Variants in TMEM132D observed in about 807,000 individuals in gnomAD.
TMEM132D encodes the protein transmembrane protein 132D, also known as mature OL transmembrane protein.
Under a neutral mutation model 62.3 loss-of-function variants are expected in TMEM132D, and 21 were observed. That is an observed-to-expected ratio of 0.34 (90% CI 0.24 to 0.49). The LOEUF (loss-of-function observed/expected upper bound fraction) is 0.49. Among genes scored for constraint, TMEM132D ranks in the 20% least tolerant of loss-of-function variants. The probability of loss-of-function intolerance (pLI) is 0.99; values close to 1 mark genes in which losing one functional copy is unlikely to be tolerated. For missense variants in TMEM132D, 1,346 were observed against 1,402.8 expected, an observed-to-expected ratio of 0.96 and a Z score of 0.65; for synonymous variants, 621 against 575.6, an observed-to-expected ratio of 1.08 and a Z score of -1.13.
At chr12:129,373,768 T>C (rs61945691) in intron 3 of TMEM132D, among the ~76,000 whole-genome samples, 5,873 of 152,304 alleles carry the variant, frequency 0.039, 490 homozygotes, top group East Asian at 0.35. Flanking sequence ...TTAGGCTAAG[T>C]CTGGAGAGAA....
chr12:129,721,570 C>A (rs867043636), intron 1 of TMEM132D, among the ~76,000 whole-genome samples: 14 of 152,234 alleles, frequency 9.2e-5, no homozygotes, highest in Middle Eastern at 6.8e-3. Context: ...AGGTGAGCAG[C>A]CCGTCCTCAC....
At chr12:129,724,015 G>T (rs1868937286) in intron 1 of TMEM132D, among the ~76,000 whole-genome samples, 1 of 152,214 alleles carries the variant, frequency 6.6e-6, no homozygotes, top group African/African-American at 2.4e-5. Flanking sequence ...AGATTACTCT[G>T]TATTATCTGG....
chr12:129,373,008 T>C (rs61219771), intron 3 of TMEM132D, among the ~76,000 whole-genome samples: 1,829 of 152,114 alleles, frequency 0.012, 31 homozygotes, highest in African/African-American at 0.042. Flanking sequence ...ACAAAGGTCA[T>C]AGGAAAAAAC....
In TMEM132D at chr12:129,587,344, A is replaced by G. The variant is rs191302951; in HGVS notation, c.969-56139T>C. On this transcript the variant is annotated intron_variant, in intron 2 of 8. Transcript: ENST00000422113. ...TTATAAGTAGAAGCTAAATGATGAG[A>G]AAACATGGGCACGTAGAGGGTAAGG... Among the ~76,000 whole-genome samples the G allele has an allele frequency of 7.9e-5, 12 of 152,336 alleles. No individual in the cohort carries two copies. The East Asian group carries it at 2.1e-3, about 27-fold the overall frequency.
chr12:129,394,405 C>A (rs945148967), intron 3 of TMEM132D, among the ~76,000 whole-genome samples: 59 of 152,316 alleles, frequency 3.9e-4, no homozygotes, highest in African/African-American at 1.4e-3. Flanking sequence ...TTGGTCAATA[C>A]AATTATTGAG....
At chr12:129,743,728 G>C (rs1461196426) in intron 1 of TMEM132D, among the ~76,000 whole-genome samples, 1 of 152,186 alleles carries the variant, frequency 6.6e-6, no homozygotes, top group Non-Finnish European at 1.5e-5. Flanking sequence ...TGAGATGAGA[G>C]ATTATCCTGA....
chr12:129,681,927 T>C (rs1880787158), intron 2 of TMEM132D, among the ~76,000 whole-genome samples: 1 of 152,162 alleles, frequency 6.6e-6, no homozygotes, highest in South Asian at 2.1e-4. Context: ...GTTTTTCACT[T>C]AAAAAAATCA....
intron 5 of TMEM132D, among the ~76,000 whole-genome samples, chr12:129,106,320 G>C (rs1875497223): frequency 6.6e-6 from 1 of 150,728 alleles, no homozygotes; most frequent in Admixed American, 6.6e-5. Flanking sequence ...AATGCTAGAT[G>C]ACGAGTTAGT....
intron 4 of TMEM132D, among the ~76,000 whole-genome samples, chr12:129,217,355 A>C (rs1350123351): frequency 2.0e-5 from 3 of 152,208 alleles, no homozygotes; most frequent in African/African-American, 7.2e-5. Flanking sequence ...AAATGTTGAG[A>C]ACACATGGAC....
rs1398504533 is a variant in TMEM132D at position 129,276,774 on chromosome 12, A to G, written c.1299+60860T>C. ...CTCCTCGTTTCCTGCAAACTTTTAA[A>G]GTATAATGACATGCAATTTGTTTAC... On this transcript the variant is annotated intron_variant, in intron 4 of 8. Transcript: ENST00000422113. Among the ~76,000 whole-genome samples, 3 of 152,276 alleles carry G rather than the reference A, an allele frequency of 2.0e-5. 1 individual carries two copies. Among genetic ancestry groups the G allele is most frequent in the Admixed American group, 1.3e-4 (2 of 15,294 alleles).
chr12:129,711,273 C>G (rs556983514), intron 1 of TMEM132D, among the ~76,000 whole-genome samples: 1 of 152,338 alleles, frequency 6.6e-6, no homozygotes, highest in Non-Finnish European at 1.5e-5. Context: ...CATGGCTCCT[C>G]TCTGCGTTTC....
chr12:129,409,179 T>G (rs1871890003), intron 3 of TMEM132D, among the ~76,000 whole-genome samples: 1 of 152,154 alleles, frequency 6.6e-6, no homozygotes, highest in South Asian at 2.1e-4. Flanking sequence ...GTGATCCACC[T>G]GCCTCAGCCT....
At chr12:129,776,518 C>T (rs1408410721) in intron 1 of TMEM132D, among the ~76,000 whole-genome samples, 2 of 152,136 alleles carry the variant, frequency 1.3e-5, no homozygotes, top group African/African-American at 4.8e-5. Flanking sequence ...CAGTGGTTGA[C>T]TACTAGTAAA....
At chr12:129,230,304 T>TGGA (rs1555239635) in intron 4 of TMEM132D, among the ~76,000 whole-genome samples, 1 of 132,170 alleles carries the variant, frequency 7.6e-6, no homozygotes, top group Admixed American at 7.2e-5. Flanking sequence ...CCTTCTGTGT[T>TGGA]GGAGGGGGGG....
chr12:129,164,570 C>CATAGTTCAGCACGAGGAACT (rs1174737824), intron 5 of TMEM132D, among the ~76,000 whole-genome samples: 1 of 152,162 alleles, frequency 6.6e-6, no homozygotes, highest in Non-Finnish European at 1.5e-5. Flanking sequence ...TTAATTGACT[C>CATAGTTCAGCACGAGGAACT]ATAGTTCAGC....
intron 1 of TMEM132D, among the ~76,000 whole-genome samples, chr12:129,743,789 A>C (rs1334911297): frequency 6.6e-6 from 1 of 152,202 alleles, no homozygotes; most frequent in Non-Finnish European, 1.5e-5. Flanking sequence ...GGGAGACAAC[A>C]TGATGAAAGA....
intron 2 of TMEM132D, 68 bp downstream of exon 2, chr12:129,699,742 C>T (rs912466409): frequency 6.4e-7 from 1 of 1,568,188 alleles, no homozygotes; most frequent in African/African-American, 1.4e-5. Context: ...CTTTTCTGGT[C>T]AAACAGCTTC....
intron 5 of TMEM132D, among the ~76,000 whole-genome samples, chr12:129,151,293 T>C (rs1305545980): frequency 6.6e-6 from 1 of 152,184 alleles, no homozygotes; most frequent in Non-Finnish European, 1.5e-5. Flanking sequence ...CCTAGGTTAT[T>C]TCATTAAAGA....
intron 3 of TMEM132D, among the ~76,000 whole-genome samples, chr12:129,517,927 T>C (rs915323317): frequency 6.6e-6 from 1 of 152,190 alleles, no homozygotes; most frequent in African/African-American, 2.4e-5. Context: ...CCTTAGTTTC[T>C]TTGTATTATT....
Sources: allele counts gnomAD v4.1 joint callset (sites outside exome capture counted in the v4.1 genomes callset), GRCh38; gene constraint gnomAD v4.1.1; transcripts MANE v1.5; gene names NCBI Gene and HGNC (gene_info 2026-07-23, HGNC 2026-07-21).